STK36: variants seen among roughly 807,000 people sequenced by gnomAD.
The protein encoded by STK36 is serine/threonine-protein kinase 36.
Under a neutral mutation model 142.2 loss-of-function variants are expected in STK36, and 116 were observed. The observed-to-expected ratio is 0.82, with a 90% confidence interval of 0.70 to 0.95. The LOEUF (loss-of-function observed/expected upper bound fraction) is 0.95. Ranked by LOEUF, STK36 falls within the 40% of genes least tolerant of loss-of-function variation. STK36 has a pLI of 0.00. For synonymous variants in STK36, 619 were observed against 641.7 expected (o/e 0.96, Z 0.53); for missense variants, 1,422 against 1,617.2 (o/e 0.88, Z 2.07).
In STK36 at chr2:218,676,010, A is replaced by G; in HGVS notation, c.435-19A>G. On this transcript the variant is annotated intron_variant, in intron 5 of 26. Coordinates refer to ENST00000295709, the MANE Select transcript of STK36 (RefSeq NM_015690.5). ...GAATATCTTTTCCCTTTCCATTTCC[A>G]TCCCATTATCTTCTGCAGATTTGCC... 3 of 1,611,842 alleles carry G rather than the reference A, an allele frequency of 1.9e-6. No individual in the cohort carries two copies. The highest frequency in any genetic ancestry group is 1.7e-6 in the Non-Finnish European group (2 of 1,178,514).
At chr2:218,697,243 G>A in intron 23 of STK36, 30 bp downstream of exon 23, 1 of 1,597,204 alleles carries the variant, frequency 6.3e-7, no homozygotes. Context: ...CTTTTTGGGA[G>A]TGCATTGATC....
At chr2:218,686,030 C>T (rs959291057) in intron 11 of STK36, among the ~76,000 whole-genome samples, 11 of 150,790 alleles carry the variant, frequency 7.3e-5, no homozygotes, top group South Asian at 4.2e-4. Context: ...CTCTGCCCCG[C>T]GCAGGTTTAA....
chr2:218,682,430 A>C (rs1326382848), intron 10 of STK36, among the ~76,000 whole-genome samples: 1 of 152,198 alleles, frequency 6.6e-6, no homozygotes, highest in Non-Finnish European at 1.5e-5. Context: ...ACACAGTACA[A>C]TTATGAAAGT....
In STK36 at chr2:218,672,112, T is replaced by A; in HGVS notation, c.-193T>A. On this transcript the variant is annotated 5_prime_UTR_variant, in exon 1 of 27. Coordinates refer to ENST00000295709, the MANE Select transcript of STK36 (RefSeq NM_015690.5). ...GCCGGGCCTGATGGCCCTGAGGCAG[T>A]TCGGATGTGTCCCAGGAAGTGCCCA... 1 of 970,824 alleles carries A rather than the reference T, an allele frequency of 1.0e-6. No homozygotes were observed. Among genetic ancestry groups the A allele is most frequent in the East Asian group, 2.6e-5 (1 of 38,340 alleles). The allele number at this position is 970,824 out of a possible 1,614,324, so 60.1% of individuals were successfully genotyped here. A position where few individuals can be genotyped will look rare whatever the true frequency, so the allele number is the denominator to read the frequency against.
Position 218,692,285 on chromosome 2 carries a change from C to A in STK36, c.1907C>A (p.Thr636Asn), listed in dbSNP as rs2106360537. 6.2e-7 allele frequency: 1 copy of A among 1,614,196 alleles called. No individual in the cohort carries two copies. Among genetic ancestry groups the A allele is most frequent in the East Asian group, 2.2e-5 (1 of 44,890 alleles). Residue 636 changes from threonine to asparagine, a missense_variant, in exon 15 of 27, where the codon ACT (threonine) becomes AAT (asparagine). Physicochemically the swap from Thr to Asn is moderately conservative, Grantham distance 65. This residue lies in a region of STK36 where 962 missense variants were observed against 1,167.5 expected (regional missense o/e 0.82). Coordinates refer to ENST00000295709, the MANE Select transcript of STK36 (RefSeq NM_015690.5). ...ACAGTTCCACAGCTCCCTGTCCACA[C>A]TCCCCAAGGTAACCAGAGTGGAGAA... ...GLTVPQLPVH[T>N]PQGAPQVSQP...
chr2:218,689,465 A>G (rs1436687261), intron 12 of STK36, among the ~76,000 whole-genome samples: 1 of 152,172 alleles, frequency 6.6e-6, no homozygotes, highest in African/African-American at 2.4e-5. Flanking sequence ...GCTGTGTCCT[A>G]CGGTAGCTGG....
At chr2:218,690,602 G>T in intron 14 of STK36, 47 bp downstream of exon 14, 1 of 1,442,898 alleles carries the variant, frequency 6.9e-7, no homozygotes, top group Non-Finnish European at 9.8e-7. Flanking sequence ...ATCATTCTCC[G>T]TGTTTCTCCC....
chr2:218,685,191 A>T lies in STK36; in HGVS notation c.1343A>T (p.Gln448Leu). 1 of 1,614,220 alleles carries T rather than the reference A, an allele frequency of 6.2e-7. No individual in the cohort carries two copies. The highest frequency in any genetic ancestry group is 1.3e-5 in the African/African-American group (1 of 75,066). Residue 448 changes from glutamine to leucine, a missense_variant, in exon 11 of 27, where the codon CAG (glutamine) becomes CTG (leucine). This residue lies in a region of STK36 where 962 missense variants were observed against 1,167.5 expected (regional missense o/e 0.82). Transcript: ENST00000295709. ...LTLLCNPDFC[Q>L]RIQSQLHEAG... ...TTGCTGTGTAATCCTGACTTCTGCC[A>T]GCGCATCCAGAGTCAGCTGCATGAA...
At position 218,697,230 on chromosome 2, in the gene STK36, A is replaced by C; in HGVS notation, c.2761+17A>C. On this transcript the variant is annotated intron_variant, in intron 23 of 26. Coordinates refer to ENST00000295709, the MANE Select transcript of STK36 (RefSeq NM_015690.5). ...CTCCCCAGGGTATCTTTCTATCAGT[A>C]TCCTTTTTGGGAGTGCATTGATCTC... The C allele has an allele frequency of 6.2e-7, 1 of 1,606,234 alleles. No individual in the cohort carries two copies. Among genetic ancestry groups the C allele is most frequent in the Non-Finnish European group, 8.5e-7 (1 of 1,176,740 alleles).
chr2:218,681,402 C>T (rs1940515210), intron 10 of STK36, among the ~76,000 whole-genome samples: 2 of 152,186 alleles, frequency 1.3e-5, no homozygotes, highest in Admixed American at 6.5e-5. Context: ...GCTGGGATTA[C>T]AGGCATGAGC....
intron 4 of STK36, among the ~76,000 whole-genome samples, chr2:218,674,199 A>C (rs763344082): frequency 4.6e-5 from 7 of 152,082 alleles, no homozygotes; most frequent in Admixed American, 2.6e-4. Context: ...AAGTTACTTT[A>C]ATTTCTTTGT....
At chr2:218,690,687 T>C in intron 14 of STK36, 132 bp downstream of exon 14, 1 of 729,632 alleles carries the variant, frequency 1.4e-6, no homozygotes, top group South Asian at 1.7e-5. Flanking sequence ...CACCATGCCA[T>C]ATGCCATGTG....
chr2:218,673,574 A>G (rs185679388), intron 2 of STK36, 51 bp from the exon 3 acceptor site: 3 of 1,556,878 alleles, frequency 1.9e-6, no homozygotes, highest in African/African-American at 1.4e-5. Flanking sequence ...GAAATTCTAG[A>G]TCTTTTCAGT....
intron 9 of STK36, 112 bp from the exon 10 acceptor site, chr2:218,680,491 C>A: frequency 1.2e-6 from 1 of 855,540 alleles, no homozygotes; most frequent in Non-Finnish European, 1.9e-6. Flanking sequence ...TCTAGTCAAT[C>A]CTATATGGCT....
At chr2:218,676,000 T>C (rs760930106) in intron 5 of STK36, 29 bp from the exon 6 acceptor site, 2 of 1,611,390 alleles carry the variant, frequency 1.2e-6, no homozygotes, top group South Asian at 1.1e-5. Flanking sequence ...TCTTTTCCCT[T>C]TCCATTTCCA....
At position 218,694,193 on chromosome 2, in the gene STK36, A is replaced by G; in HGVS notation, c.2337-71A>G. ...CAGCCTAGGTGAAGAACACCATGCA[A>G]GGGAGAGGGGAGGCCGCTTACCAAC... is the stretch of plus-strand genomic sequence containing the variant. On this transcript the variant is annotated intron_variant, in intron 19 of 26. Transcript: ENST00000295709. This position sits in a 1 kb window ranked among gnomAD's most constrained non-coding sequence, Gnocchi z 4.4. 12 of 1,346,104 alleles carry G rather than the reference A, an allele frequency of 8.9e-6. No individual in the cohort carries two copies. In the South Asian group the frequency reaches 1.3e-4, roughly 14 times the overall value. 83.4% of individuals were successfully genotyped at this position (1,346,104 alleles called of 1,614,324 possible).
chr2:218,675,615 C>T (rs1940205110), intron 5 of STK36, 142 bp downstream of exon 5: 1 of 1,063,322 alleles, frequency 9.4e-7, no homozygotes, highest in South Asian at 1.7e-5. Flanking sequence ...ACCTCTGCCT[C>T]CCGGATTCAA....
At chr2:218,676,418 G>A (rs1575121687) in intron 6 of STK36, 140 bp downstream of exon 6, 6 of 1,173,482 alleles carry the variant, frequency 5.1e-6, no homozygotes, top group South Asian at 3.1e-5. Flanking sequence ...TTCTGTTCTC[G>A]CATTGCTATA....
At chr2:218,677,999 G>A (rs1575123162) in intron 6 of STK36, among the ~76,000 whole-genome samples, 1 of 152,316 alleles carries the variant, frequency 6.6e-6, no homozygotes, top group Middle Eastern at 3.4e-3. Flanking sequence ...CACCGTGTTA[G>A]CCAGGATGGT....
Sources: allele counts gnomAD v4.1 joint callset (sites outside exome capture counted in the v4.1 genomes callset), GRCh38; gene constraint gnomAD v4.1.1; regional missense constraint gnomAD v4.1.1; non-coding constraint Gnocchi (gnomAD v3.1); transcripts MANE v1.5; gene names NCBI Gene and HGNC (gene_info 2026-07-23, HGNC 2026-07-21).